Variants in TENM3 observed in about 807,000 individuals in gnomAD.
The protein encoded by TENM3 is teneurin transmembrane protein 3, also known as teneurin-3.
Under a neutral mutation model 255.1 loss-of-function variants are expected in TENM3, and 63 were observed. The ratio of observed to expected loss-of-function variants is 0.25; its 90% CI spans 0.20 to 0.30. The LOEUF is 0.30. Ranked by LOEUF, TENM3 falls within the 10% of genes least tolerant of loss-of-function variation. The pLI is 1.00. For missense variants in TENM3, 2,929 were observed against 3,461.1 expected (o/e 0.85, Z 3.86); for synonymous variants, 1,306 against 1,322.3 (o/e 0.99, Z 0.27).
At chr4:182,306,584 C>T (rs1490779359) in intron 1 of TENM3, among the ~76,000 whole-genome samples, 1 of 152,014 alleles carries the variant, frequency 6.6e-6, no homozygotes, top group African/African-American at 2.4e-5. Context: ...CCATTTATTG[C>T]TTTTTATTAT....
At chr4:181,676,080 G>C in the TENM3 span, among the ~76,000 whole-genome samples, 1 of 152,050 alleles carries the variant, frequency 6.6e-6, no homozygotes, top group Admixed American at 6.6e-5. Flanking sequence ...TGCGGGAAGG[G>C]GGGGTGCATT....
At chr4:182,100,694 C>CACACATATATACACACATATAT in the TENM3 span, among the ~76,000 whole-genome samples, 1 of 40,680 alleles carries the variant, frequency 2.5e-5, no homozygotes, top group East Asian at 8.3e-4. Flanking sequence ...CATATATATA[C>CACACATATATACACACATATAT]ACACATATAT....
chr4:181,773,745 A>G, the TENM3 span, among the ~76,000 whole-genome samples: 2 of 152,078 alleles, frequency 1.3e-5, no homozygotes, highest in Admixed American at 1.3e-4. Flanking sequence ...TTTTTATTCT[A>G]TTAGGTTGTG....
At chr4:181,909,798 A>G in the TENM3 span, among the ~76,000 whole-genome samples, 1 of 152,160 alleles carries the variant, frequency 6.6e-6, no homozygotes, top group East Asian at 1.9e-4. Context: ...TATAGCATTA[A>G]CCTACGCAAT....
chr4:182,561,799 T>C (rs1246400848), intron 3 of TENM3, among the ~76,000 whole-genome samples: 1 of 152,126 alleles, frequency 6.6e-6, no homozygotes, highest in Non-Finnish European at 1.5e-5. Context: ...TGTGTCATAA[T>C]ACTATTCAGT....
intron 2 of TENM3, among the ~76,000 whole-genome samples, chr4:182,336,360 A>G (rs1764138090): frequency 6.6e-6 from 1 of 151,966 alleles, no homozygotes; most frequent in African/African-American, 2.4e-5. Context: ...AAAAAAAAAA[A>G]GCAATTCATG....
intron 3 of TENM3, among the ~76,000 whole-genome samples, chr4:182,432,684 A>G (rs2151200808): frequency 6.6e-6 from 1 of 152,316 alleles, no homozygotes; most frequent in Middle Eastern, 3.4e-3. Flanking sequence ...CACAGAGGAG[A>G]AATGTCCTGG....
chr4:181,584,434 T>G, the TENM3 span, among the ~76,000 whole-genome samples: 11 of 152,308 alleles, frequency 7.2e-5, no homozygotes, highest in Admixed American at 2.6e-4. Flanking sequence ...TTAATCCTAC[T>G]ACCAACATTC....
chr4:182,220,630 C>A (rs1033703156), intron 1 of TENM3, among the ~76,000 whole-genome samples: 2 of 152,078 alleles, frequency 1.3e-5, no homozygotes, highest in African/African-American at 2.4e-5. Context: ...TTCTTGCTAG[C>A]CACAAAGCAA....
chr4:182,316,077 A>G (rs1389360929), intron 1 of TENM3, among the ~76,000 whole-genome samples: 2 of 151,982 alleles, frequency 1.3e-5, no homozygotes, highest in Non-Finnish European at 2.9e-5. Flanking sequence ...ATTTTTCTCT[A>G]TATTATTTTC....
chr4:181,551,398 T>C, the TENM3 span, among the ~76,000 whole-genome samples: 3 of 152,176 alleles, frequency 2.0e-5, no homozygotes, highest in South Asian at 6.2e-4. Flanking sequence ...TATGGCACAT[T>C]CACATAATGT....
At chr4:181,448,153 A>T in the TENM3 span, among the ~76,000 whole-genome samples, 8 of 108,726 alleles carry the variant, frequency 7.4e-5, no homozygotes, top group Admixed American at 3.9e-4. Flanking sequence ...GAAATCCAGT[A>T]ATTTTTTTTT....
the TENM3 span, among the ~76,000 whole-genome samples, chr4:181,770,411 A>T: frequency 3.9e-5 from 6 of 152,090 alleles, no homozygotes; most frequent in African/African-American, 1.4e-4. Context: ...GTGGTGGCTC[A>T]CGCCTGTAAT....
At chr4:182,604,498 A>G (rs1215338683) in intron 4 of TENM3, among the ~76,000 whole-genome samples, 2 of 152,186 alleles carry the variant, frequency 1.3e-5, no homozygotes, top group Non-Finnish European at 2.9e-5. Flanking sequence ...CAGCTGCTTC[A>G]GTATGTAATA....
intron 1 of TENM3, among the ~76,000 whole-genome samples, chr4:182,223,350 A>G (rs1473702483): frequency 6.6e-6 from 1 of 152,148 alleles, no homozygotes; most frequent in Admixed American, 6.5e-5. Flanking sequence ...TACAACAAAA[A>G]TGTTAGAGAT....
At position 182,651,698 on chromosome 4, in the gene TENM3, G is replaced by GAAAAAAAA. The variant is rs560075723; in HGVS notation, c.989-2070_989-2063dup. ...GGTGACAGAGCGAGACTCCGTCTCA[G>GAAAAAAAA]AAAAAAAAAAGAAAATCAGAGTTTA... On this transcript the variant is annotated intron_variant, in intron 5 of 27. Coordinates refer to ENST00000511685, the MANE Select transcript of TENM3 (RefSeq NM_001080477.4). 1.2e-4 allele frequency among the ~76,000 whole-genome samples: 17 copies of GAAAAAAAA among 146,260 alleles called. 1 individual carries two copies. Among genetic ancestry groups the GAAAAAAAA allele is most frequent in the South Asian group, 4.5e-4 (2 of 4,494 alleles).
At chr4:181,640,697 A>T in the TENM3 span, among the ~76,000 whole-genome samples, 1 of 152,126 alleles carries the variant, frequency 6.6e-6, no homozygotes, top group Non-Finnish European at 1.5e-5. Flanking sequence ...CTCTGTGGTC[A>T]TCTCATTCTT....
the TENM3 span, among the ~76,000 whole-genome samples, chr4:181,662,329 G>T: frequency 2.0e-5 from 3 of 152,160 alleles, no homozygotes; most frequent in Non-Finnish European, 4.4e-5. Context: ...AAATAAATGA[G>T]TTATTTTCAT....
the TENM3 span, among the ~76,000 whole-genome samples, chr4:181,747,826 G>T: frequency 6.6e-6 from 1 of 151,912 alleles, no homozygotes; most frequent in Non-Finnish European, 1.5e-5. Context: ...TTATTTTGAG[G>T]TAGAGAATTA....
Sources: gnomAD v4.1 joint callset for allele counts (sites outside exome capture counted in the v4.1 genomes callset) on GRCh38, gnomAD v4.1.1 for gene constraint, MANE v1.5 for transcripts, NCBI Gene and HGNC (gene_info 2026-07-23, HGNC 2026-07-21) for gene names.